The following HDAC9 variants were observed in gnomAD, a reference collection of about 807,000 sequenced individuals.
The protein encoded by HDAC9 is histone deacetylase 9.
A neutral mutation model predicts 139.4 loss-of-function variants in HDAC9; 41 were observed. The observed-to-expected ratio is 0.29, with a 90% CI of 0.23 to 0.38. The LOEUF (loss-of-function observed/expected upper bound fraction) is 0.38. Ranked by LOEUF, HDAC9 falls within the 10% of genes least tolerant of loss-of-function variation. HDAC9 has a pLI of 1.00. For missense variants in HDAC9, 1,147 were observed against 1,297.0 expected, an observed-to-expected ratio of 0.88 and a Z score of 1.78; for synonymous variants, 517 against 476.2, an observed-to-expected ratio of 1.09 and a Z score of -1.12.
At chr7:18,214,789 C>T (rs1237341369) in intron 2 of HDAC9, among the ~76,000 whole-genome samples, 2 of 152,094 alleles carry the variant, frequency 1.3e-5, no homozygotes, top group Non-Finnish European at 2.9e-5. Flanking sequence ...CCTGCAAATT[C>T]TGTCATAGGT....
intron 17 of HDAC9, among the ~76,000 whole-genome samples, chr7:18,799,174 C>G (rs953721060): frequency 3.3e-5 from 5 of 151,874 alleles, no homozygotes; most frequent in African/African-American, 9.7e-5. Flanking sequence ...TGACTGACCA[C>G]TAAGCTAACA....
At chr7:18,270,303 A>AG (rs1378778194) in intron 2 of HDAC9, among the ~76,000 whole-genome samples, 1 of 151,322 alleles carries the variant, frequency 6.6e-6, no homozygotes, top group Non-Finnish European at 1.5e-5. Context: ...TTAAACAAAA[A>AG]AAAAACTGTG....
chr7:18,517,370 AT>A (rs1012296427), intron 2 of HDAC9, among the ~76,000 whole-genome samples: 7 of 152,162 alleles, frequency 4.6e-5, no homozygotes, highest in African/African-American at 7.2e-5. Context: ...TTGTAGTTTC[AT>A]GTCAAGTATG....
chr7:18,972,657 A>G (rs1347815931), intron 24 of HDAC9, among the ~76,000 whole-genome samples: 2 of 152,186 alleles, frequency 1.3e-5, no homozygotes, highest in Non-Finnish European at 2.9e-5. Context: ...CTGGGATTAC[A>G]GGCATGAGCC....
At chr7:18,439,841 A>G (rs10260967) in intron 1 of HDAC9, among the ~76,000 whole-genome samples, 1,749 of 152,314 alleles carry the variant, frequency 0.011, 41 homozygotes, top group African/African-American at 0.04. Flanking sequence ...ACATACACAC[A>G]CACAAACACA....
intron 13 of HDAC9, among the ~76,000 whole-genome samples, chr7:18,740,697 G>C (rs1387468765): frequency 2.6e-5 from 4 of 152,196 alleles, no homozygotes; most frequent in African/African-American, 4.8e-5. Context: ...TCAATCAAAA[G>C]CTAGAAATGA....
chr7:18,218,017 G>A (rs1362504457), intron 2 of HDAC9, among the ~76,000 whole-genome samples: 1 of 152,126 alleles, frequency 6.6e-6, no homozygotes, highest in Non-Finnish European at 1.5e-5. Flanking sequence ...ATTGACTGGA[G>A]GCCTTAGTTC....
At chr7:18,279,807 G>A (rs866652830) in intron 2 of HDAC9, among the ~76,000 whole-genome samples, 14 of 151,990 alleles carry the variant, frequency 9.2e-5, no homozygotes, top group African/African-American at 3.1e-4. Flanking sequence ...CTAGAAACTA[G>A]TTTCAAAGAG....
chr7:18,973,212 G>T (rs991468201), intron 24 of HDAC9, among the ~76,000 whole-genome samples: 3 of 152,110 alleles, frequency 2.0e-5, no homozygotes, highest in African/African-American at 7.2e-5. Context: ...CACATATTTA[G>T]TTCTCAATAA....
intron 22 of HDAC9, among the ~76,000 whole-genome samples, chr7:18,888,224 A>G (rs1199215850): frequency 2.6e-5 from 4 of 152,158 alleles, no homozygotes; most frequent in African/African-American, 9.7e-5. Flanking sequence ...GATCGAGACC[A>G]TCCTGGCTAA....
chr7:18,282,187 G>T (rs1241102750), intron 2 of HDAC9, among the ~76,000 whole-genome samples: 1 of 152,136 alleles, frequency 6.6e-6, no homozygotes, highest in Non-Finnish European at 1.5e-5. Context: ...TACAGTAATT[G>T]TATTTACCAG....
chr7:18,610,541 C>T (rs954525988), intron 6 of HDAC9, among the ~76,000 whole-genome samples: 2 of 152,210 alleles, frequency 1.3e-5, no homozygotes, highest in Non-Finnish European at 2.9e-5. Flanking sequence ...GCCCTCTAGA[C>T]GTTTAGATGG....
rs371512838 is a variant in HDAC9, at chr7:18,754,366, CA to C, written c.2043+5236del. ...GAAAAGAAATGTGCTCTTCTGTGGT[CA>C]AAAAAAATTGTGGAGGTTGACCCAT... On this transcript the variant is annotated intron_variant, in intron 14 of 25. Coordinates refer to ENST00000686413, the MANE Select transcript of HDAC9 (RefSeq NM_178425.4). 2.6e-3 allele frequency among the ~76,000 whole-genome samples: 396 copies of C among 151,692 alleles called. 2 individuals are homozygous for C. Among genetic ancestry groups the C allele is most frequent in the African/African-American group, 9.3e-3 (383 of 41,396 alleles).
intron 2 of HDAC9, among the ~76,000 whole-genome samples, chr7:18,512,591 A>G (rs1434737407): frequency 6.6e-6 from 1 of 152,226 alleles, no homozygotes; most frequent in African/African-American, 2.4e-5. Context: ...AGTTTTTTAA[A>G]AAAGATGCTT....
chr7:18,109,246 A>AT (rs1002159962), intron 1 of HDAC9, among the ~76,000 whole-genome samples: 1 of 152,146 alleles, frequency 6.6e-6, no homozygotes, highest in Non-Finnish European at 1.5e-5. Context: ...CAGGTTAAGC[A>AT]TTTTTTCCCC....
chr7:18,704,181 A>T (rs1346179058), intron 12 of HDAC9, among the ~76,000 whole-genome samples: 2 of 152,214 alleles, frequency 1.3e-5, no homozygotes, highest in African/African-American at 4.8e-5. Context: ...CCTGCAAAAC[A>T]TAGCCTTAGC....
At chr7:18,905,569 T>C (rs1375255762) in intron 22 of HDAC9, among the ~76,000 whole-genome samples, 17 of 151,996 alleles carry the variant, frequency 1.1e-4, no homozygotes, top group Non-Finnish European at 2.2e-4. Context: ...GTGCCATTTT[T>C]ACATTGCATA....
chr7:18,748,175 T>A (rs891467074), intron 13 of HDAC9, among the ~76,000 whole-genome samples: 1 of 152,182 alleles, frequency 6.6e-6, no homozygotes, highest in Non-Finnish European at 1.5e-5. Context: ...TCATCTAACT[T>A]GTTGCTTTAA....
intron 22 of HDAC9, among the ~76,000 whole-genome samples, chr7:18,906,319 A>AT (rs760475196): frequency 1.5e-4 from 22 of 151,650 alleles, no homozygotes; most frequent in Non-Finnish European, 2.4e-4. Context: ...TAATTTTTGT[A>AT]TTTTTAGTAG....
Sources: allele counts gnomAD v4.1 joint callset (sites outside exome capture counted in the v4.1 genomes callset), GRCh38; gene constraint gnomAD v4.1.1; transcripts MANE v1.5; gene names NCBI Gene and HGNC (gene_info 2026-07-23, HGNC 2026-07-21).